SLC38A9: variants seen among roughly 807,000 people sequenced by gnomAD.
SLC38A9 encodes the protein neutral amino acid transporter 9.
A neutral mutation model predicts 62.3 loss-of-function variants in SLC38A9; 48 were observed. The ratio of observed to expected loss-of-function variants is 0.77; its 90% confidence interval spans 0.61 to 0.98. The LOEUF (loss-of-function observed/expected upper bound fraction) is 0.98, where lower values mean the gene tolerates loss of function less well. Among genes scored for constraint, SLC38A9 ranks in the 50% least tolerant of loss-of-function variants. The pLI is 0.00. For synonymous variants in SLC38A9, 204 were observed against 227.7 expected, an observed-to-expected ratio of 0.90 and a Z score of 0.94; for missense variants, 541 against 679.8, an observed-to-expected ratio of 0.80 and a Z score of 2.27.
intron 14 of SLC38A9, among the ~76,000 whole-genome samples, chr5:55,631,102 C>T (rs1743355902): frequency 6.6e-6 from 1 of 152,072 alleles, no homozygotes. Context: ...CACTGCACTC[C>T]AGCCTGGGCG....
Position 55,669,888 on chromosome 5 carries a change from A to G in SLC38A9, c.247-9T>C. 1.9e-6 allele frequency: 3 copies of G among 1,579,000 alleles called. No homozygotes were observed. Among genetic ancestry groups the G allele is most frequent in the Non-Finnish European group, 2.6e-6 (3 of 1,167,138 alleles). ...ACATGGTCTGGGGCAATCTGGTAAA[A>G]AGGAAACATAGATAAATTTCAGAAC... On this transcript the variant is annotated splice_polypyrimidine_tract_variant and intron_variant, in intron 4 of 15. Coordinates refer to ENST00000396865, the MANE Select transcript of SLC38A9 (RefSeq NM_173514.4).
intron 12 of SLC38A9, among the ~76,000 whole-genome samples, chr5:55,640,825 G>C (rs1745340973): frequency 6.6e-6 from 1 of 152,108 alleles, no homozygotes; most frequent in Non-Finnish European, 1.5e-5. Flanking sequence ...GGGAAATGAA[G>C]AAAAAGTAAA....
chr5:55,628,769 C>T (rs1245226690), intron 14 of SLC38A9, among the ~76,000 whole-genome samples: 1 of 152,094 alleles, frequency 6.6e-6, no homozygotes, highest in Admixed American at 6.6e-5. Flanking sequence ...TTACTAAATA[C>T]TTTAACTAGA....
intron 12 of SLC38A9, among the ~76,000 whole-genome samples, chr5:55,639,254 C>T (rs1199280014): frequency 1.5e-5 from 1 of 66,128 alleles, no homozygotes; most frequent in Non-Finnish European, 2.8e-5. Context: ...GCCTGGGCAA[C>T]AAGAACGAAA....
chr5:55,645,001 A>T (rs1195952677), intron 12 of SLC38A9, among the ~76,000 whole-genome samples: 1 of 152,040 alleles, frequency 6.6e-6, no homozygotes, highest in Non-Finnish European at 1.5e-5. Flanking sequence ...GTTTACTGAG[A>T]ACGGTGATTT....
At chr5:55,664,933 C>T in intron 7 of SLC38A9, 70 bp from the exon 8 acceptor site, 1 of 1,051,590 alleles carries the variant, frequency 9.5e-7, no homozygotes, top group Non-Finnish European at 1.3e-6. Flanking sequence ...TTTGTGTTCC[C>T]CAAATAAACT....
chr5:55,648,760 A>C (rs1746845591), intron 11 of SLC38A9, among the ~76,000 whole-genome samples: 1 of 152,222 alleles, frequency 6.6e-6, no homozygotes, highest in African/African-American at 2.4e-5. Context: ...TTCCCAACAA[A>C]AAGATAAATG....
At chr5:55,698,086 TG>T in intron 2 of SLC38A9, 94 bp from the exon 3 acceptor site, 1 of 562,764 alleles carries the variant, frequency 1.8e-6, no homozygotes, top group Non-Finnish European at 3.1e-6. Flanking sequence ...GGAAAAATAC[TG>T]GAATTTGCTG....
intron 2 of SLC38A9, 30 bp downstream of exon 2, chr5:55,711,422 T>C (rs1182762881): frequency 6.6e-6 from 1 of 152,066 alleles, no homozygotes; most frequent in Non-Finnish European, 1.5e-5. Context: ...GACAATTAGG[T>C]GTTGGTCGAG....
intron 3 of SLC38A9, among the ~76,000 whole-genome samples, chr5:55,691,571 C>T (rs1303015123): frequency 2.6e-5 from 4 of 152,194 alleles, no homozygotes; most frequent in Non-Finnish European, 5.9e-5. Flanking sequence ...AGGGCATAGT[C>T]CGAGAATAGC....
chr5:55,697,904 C>G lies in SLC38A9; in HGVS notation c.55G>C (p.Glu19Gln). 1 of 1,604,812 alleles carries G rather than the reference C, an allele frequency of 6.2e-7. No homozygotes were observed. The highest frequency in any genetic ancestry group is 2.3e-5 in the East Asian group (1 of 44,344). Residue 19 changes from glutamate to glutamine, a missense_variant, in exon 3 of 16, where the codon GAA (glutamate) becomes CAA (glutamine). Glu to Gln is a conservative substitution (Grantham distance 29). Transcript: ENST00000396865. Reference protein sequence around the residue: ...RHLGTSEVDHERDPGPMNIQF... With the variant: ...RHLGTSEVDHQRDPGPMNIQF... ...ATATTCATAGGTCCAGGATCTCTTT[C>G]ATGATCTACCTCAGAGGTGCCAAGA...
At chr5:55,702,532 T>G (rs1756802585) in intron 2 of SLC38A9, among the ~76,000 whole-genome samples, 1 of 152,130 alleles carries the variant, frequency 6.6e-6, no homozygotes, top group African/African-American at 2.4e-5. Context: ...GTGCTAGGAT[T>G]AAAGGCATGA....
chr5:55,636,916 T>C (rs1744491034), intron 12 of SLC38A9, among the ~76,000 whole-genome samples: 1 of 152,200 alleles, frequency 6.6e-6, no homozygotes, highest in Non-Finnish European at 1.5e-5. Context: ...AGTTTCAAAA[T>C]CATTCCTCTT....
At chr5:55,641,060 G>A (rs1015278243) in intron 12 of SLC38A9, among the ~76,000 whole-genome samples, 3 of 151,938 alleles carry the variant, frequency 2.0e-5, no homozygotes, top group Non-Finnish European at 2.9e-5. Flanking sequence ...GGCTGGTCTC[G>A]AACTCCCAAC....
At chr5:55,684,564 GTC>G in intron 3 of SLC38A9, among the ~76,000 whole-genome samples, 1 of 152,142 alleles carries the variant, frequency 6.6e-6, no homozygotes, top group Non-Finnish European at 1.5e-5. Context: ...TTTACGTGAA[GTC>G]TCTCTTAGTG....
In SLC38A9 at chr5:55,633,855, T is replaced by G; in HGVS notation, c.1329A>C (p.Ala443=). 1 of 1,613,782 alleles carries G rather than the reference T, an allele frequency of 6.2e-7. No individual in the cohort carries two copies. The highest frequency in any genetic ancestry group is 8.5e-7 in the Non-Finnish European group (1 of 1,179,884). ...FPSSDTLSFI[A]RIFLLFQMMT... ...TCATCTGGAACAGCAGGAATATCCT[T>G]GCAATGAAGGACAGGGTGTCACTGC... The change falls in exon 14 of 16, where the codon GCA becomes GCC. Residue 443 remains alanine, a synonymous_variant. Transcript: ENST00000396865.
intron 10 of SLC38A9, among the ~76,000 whole-genome samples, chr5:55,650,600 T>A (rs1318665362): frequency 6.6e-6 from 1 of 152,180 alleles, no homozygotes; most frequent in African/African-American, 2.4e-5. Context: ...GGAGATTAGC[T>A]GATTCAGAAA....
At chr5:55,678,142 T>TTG (rs1561396512) in intron 3 of SLC38A9, among the ~76,000 whole-genome samples, 1 of 145,580 alleles carries the variant, frequency 6.9e-6, no homozygotes, top group Admixed American at 6.8e-5. Context: ...TTACTGGTTT[T>TTG]TTTTTCTTTT....
chr5:55,690,972 G>A (rs1310781595), intron 3 of SLC38A9, among the ~76,000 whole-genome samples: 1 of 152,064 alleles, frequency 6.6e-6, no homozygotes, highest in East Asian at 1.9e-4. Context: ...GTCAACTTAG[G>A]CTGCTCTATA....
Sources: gnomAD v4.1 joint callset for allele counts (sites outside exome capture counted in the v4.1 genomes callset) on GRCh38, gnomAD v4.1.1 for gene constraint, MANE v1.5 for transcripts, NCBI Gene and HGNC (gene_info 2026-07-23, HGNC 2026-07-21) for gene names.